NLRP5: variants seen among roughly 807,000 people sequenced by gnomAD.
NLRP5 encodes the protein NLR family pyrin domain containing 5, also known as NACHT, LRR and PYD domains-containing protein 5.
NLRP5 carries 93 observed loss-of-function variants against 113.1 expected under a neutral mutation model. The ratio of observed to expected loss-of-function variants is 0.82; its 90% CI spans 0.70 to 0.98. The LOEUF (loss-of-function observed/expected upper bound fraction) is 0.98, where lower values mean the gene tolerates loss of function less well. Ranked by LOEUF, NLRP5 falls within the 50% of genes least tolerant of loss-of-function variation. The pLI is 0.00. For synonymous variants in NLRP5, 751 were observed against 600.7 expected, an observed-to-expected ratio of 1.25 and a Z score of -3.66; for missense variants, 1,808 against 1,514.3, an observed-to-expected ratio of 1.19 and a Z score of -3.22.
chr19:56,032,225 G>C (rs1357758597), intron 7 of NLRP5, among the ~76,000 whole-genome samples: 1 of 151,944 alleles, frequency 6.6e-6, no homozygotes, highest in Non-Finnish European at 1.5e-5. Context: ...TGCGCCTGTA[G>C]TCCCAGCTAC....
At chr19:56,008,754 T>G (rs538499886) in intron 2 of NLRP5, 34 bp from the exon 3 acceptor site, 10 of 1,571,482 alleles carry the variant, frequency 6.4e-6, no homozygotes, top group Non-Finnish European at 7.8e-6. Flanking sequence ...AGTGACTTCA[T>G]TGAGGCCAGT....
At chr19:56,052,665 C>G (rs1389091954) in intron 12 of NLRP5, among the ~76,000 whole-genome samples, 1 of 152,208 alleles carries the variant, frequency 6.6e-6, no homozygotes, top group Non-Finnish European at 1.5e-5. Flanking sequence ...AAGCTGAAGA[C>G]AGACTTGGAG....
At chr19:56,001,212 C>T (rs1981634307) in intron 1 of NLRP5, among the ~76,000 whole-genome samples, 1 of 147,310 alleles carries the variant, frequency 6.8e-6, no homozygotes, top group Admixed American at 6.8e-5. Flanking sequence ...GTGGTCGCAG[C>T]TACTAGGAAG....
intron 4 of NLRP5, chr19:56,018,808 C>G (rs1044139934): frequency 6.5e-6 from 1 of 153,794 alleles, no homozygotes; most frequent in Non-Finnish European, 1.4e-5. Context: ...GGTTTTGCCC[C>G]TCATTTAATT....
intron 12 of NLRP5, among the ~76,000 whole-genome samples, chr19:56,052,992 G>T (rs1424893164): frequency 6.6e-6 from 1 of 152,238 alleles, no homozygotes; most frequent in Non-Finnish European, 1.5e-5. Flanking sequence ...AGCTACTGGG[G>T]AGGCTGAGGC....
intron 1 of NLRP5, chr19:55,999,877 G>A (rs1981564675): frequency 1.1e-6 from 1 of 912,498 alleles, no homozygotes; most frequent in Non-Finnish European, 1.8e-6. Flanking sequence ...CCTCGCTGCT[G>A]TCTGCTGCAA....
chr19:56,025,373 G>A (rs1311985797), intron 6 of NLRP5, among the ~76,000 whole-genome samples: 1 of 139,282 alleles, frequency 7.2e-6, no homozygotes, highest in East Asian at 2.0e-4. Context: ...TTGACCTCAA[G>A]GAACGTGCTC....
chr19:56,048,979 AT>A (rs60229740), intron 11 of NLRP5, among the ~76,000 whole-genome samples: 3,918 of 94,788 alleles, frequency 0.041, 66 homozygotes, highest in East Asian at 0.19. Flanking sequence ...TTTTTTTTTA[AT>A]TTTTTTTTTT....
At chr19:55,988,025 A>G in the NLRP5 span, 1 of 783,070 alleles carries the variant, frequency 1.3e-6, no homozygotes. Flanking sequence ...CCTGAAACAG[A>G]GCAACCCAGT....
At chr19:56,052,676 G>C (rs1006368282) in intron 12 of NLRP5, among the ~76,000 whole-genome samples, 5 of 152,146 alleles carry the variant, frequency 3.3e-5, no homozygotes, top group South Asian at 4.1e-4. Context: ...AGACTTGGAG[G>C]CCGTTTCAGT....
chr19:55,994,164 T>C, the NLRP5 span, among the ~76,000 whole-genome samples: 2 of 152,244 alleles, frequency 1.3e-5, no homozygotes, highest in African/African-American at 4.8e-5. Flanking sequence ...CCATTCCAAC[T>C]AGAGGGAAAT....
intron 3 of NLRP5, among the ~76,000 whole-genome samples, chr19:56,009,170 C>T (rs1401323924): frequency 6.6e-6 from 1 of 151,476 alleles, no homozygotes; most frequent in African/African-American, 2.4e-5. Context: ...GAAACGTCGT[C>T]TCTACTAAAA....
rs142121223 is a variant in NLRP5, at chr19:56,048,141, ATGGT to A, written c.2958-2268_2958-2265del. The stretch of plus-strand genomic sequence containing the variant: ...TAGGTGAGTCTCCTGAAGGCAGCAG[ATGGT>A]TGGTTGGTGAGTTTTTTATTCTGCA... On this transcript the variant is annotated intron_variant, in intron 11 of 14. Coordinates refer to ENST00000390649, the MANE Select transcript of NLRP5 (RefSeq NM_153447.4). Among the ~76,000 whole-genome samples, 282 of 152,166 alleles carry A rather than the reference ATGGT, an allele frequency of 1.9e-3. 2 individuals are homozygous for A. The East Asian group carries it at 0.022, about 12-fold the overall frequency.
intron 2 of NLRP5, among the ~76,000 whole-genome samples, chr19:56,005,936 C>T (rs1007131315): frequency 3.3e-5 from 5 of 152,132 alleles, no homozygotes; most frequent in African/African-American, 1.2e-4. Context: ...ATAACTTGAC[C>T]AACTTCATGG....
intron 11 of NLRP5, among the ~76,000 whole-genome samples, chr19:56,047,548 T>C (rs1003079639): frequency 9.9e-5 from 15 of 152,204 alleles, no homozygotes; most frequent in Non-Finnish European, 1.5e-4. Flanking sequence ...AAGGTTCCTT[T>C]TGGAGTTGAT....
intron 3 of NLRP5, among the ~76,000 whole-genome samples, chr19:56,011,211 G>A (rs117290370): frequency 6.6e-6 from 1 of 152,086 alleles, no homozygotes; most frequent in East Asian, 1.9e-4. Context: ...GGACCTTGAA[G>A]ACACTAGGCT....
At chr19:56,010,079 C>T (rs1982122295) in intron 3 of NLRP5, among the ~76,000 whole-genome samples, 1 of 152,168 alleles carries the variant, frequency 6.6e-6, no homozygotes, top group Admixed American at 6.5e-5. Context: ...TGAAACAAAC[C>T]TGACAAAAGC....
At chr19:56,017,872 C>T (rs772323475) in intron 4 of NLRP5, among the ~76,000 whole-genome samples, 9 of 152,156 alleles carry the variant, frequency 5.9e-5, no homozygotes, top group Non-Finnish European at 1.0e-4. Context: ...GGAGTGCGGT[C>T]GCGCAATCTT....
chr19:56,027,386 CA>C lies in NLRP5; in HGVS notation c.1154del (p.Gln385ArgfsTer11). ...GCTCTGCAAAGACTGGGCTGAGAAG[CA>C]GCCTCCGTTCACCCTCATACGCAGT... On this transcript the variant is annotated frameshift_variant, in exon 7 of 15. Transcript: ENST00000390649. LOFTEE classifies it high-confidence loss of function. 1 of 1,613,480 alleles carries C rather than the reference CA, an allele frequency of 6.2e-7. No homozygotes were observed. Among genetic ancestry groups the C allele is most frequent in the South Asian group, 1.1e-5 (1 of 90,994 alleles).
Sources: gnomAD v4.1 joint callset for allele counts (sites outside exome capture counted in the v4.1 genomes callset) on GRCh38, gnomAD v4.1.1 for gene constraint, MANE v1.5 for transcripts, NCBI Gene and HGNC (gene_info 2026-07-23, HGNC 2026-07-21) for gene names.